The following TICRR variants were observed in gnomAD, a reference collection of about 807,000 sequenced individuals.
TICRR encodes TOPBP1 interacting checkpoint and replication regulator, also known as treslin.
A neutral mutation model predicts 178.1 loss-of-function variants in TICRR; 132 were observed. The ratio of observed to expected loss-of-function variants is 0.74; its 90% confidence interval spans 0.64 to 0.86. TICRR has a LOEUF of 0.86. Ranked by LOEUF, TICRR falls within the 40% of genes least tolerant of loss-of-function variation. The probability of loss-of-function intolerance (pLI) is 0.00; values close to 1 mark genes in which losing one functional copy is unlikely to be tolerated. For missense variants in TICRR, 2,587 were observed against 2,334.3 expected (o/e 1.11, Z -2.23); for synonymous variants, 991 against 900.7 (o/e 1.10, Z -1.79).
At chr15:89,623,499 T>G in intron 19 of TICRR, 124 bp from the exon 20 acceptor site, 2 of 1,045,592 alleles carry the variant, frequency 1.9e-6, no homozygotes, top group Non-Finnish European at 2.8e-6. Flanking sequence ...ATTTGAGATT[T>G]CCATCTTTAG....
rs1250114955 is a variant in TICRR at position 89,624,276 on chromosome 15, G to A, written c.3966G>A (p.Lys1322=). 9 of 1,614,070 alleles carry A rather than the reference G, an allele frequency of 5.6e-6. No homozygotes were observed. The highest frequency in any genetic ancestry group is 8.5e-7 in the Non-Finnish European group (1 of 1,180,056). ...CTCCTTTATGTGATGTCTCCAAGAAGAGTCCATTTAGGAAATCTAAAATAG... is the reference window on the plus strand; with the variant it reads ...CTCCTTTATGTGATGTCTCCAAGAAAAGTCCATTTAGGAAATCTAAAATAG... The part of the protein sequence containing the change: ...FTSPLCDVSK[K]SPFRKSKIEC... The change falls in exon 20 of 22, where the codon AAG becomes AAA. Residue 1322 remains lysine (K), a synonymous_variant. Transcript: ENST00000268138.
chr15:89,601,543 G>T lies in TICRR; in HGVS notation c.2302G>T (p.Glu768Ter), dbSNP rs757664725. 3 of 1,614,206 alleles carry T rather than the reference G, an allele frequency of 1.9e-6. No homozygotes were observed. Among genetic ancestry groups the T allele is most frequent in the Non-Finnish European group, 2.5e-6 (3 of 1,180,028 alleles). Residue 768 changes from glutamate to a stop codon, truncating the protein, a stop_gained, in exon 11 of 22, where the codon GAG becomes TAG. Transcript: ENST00000268138. LOFTEE classifies it high-confidence loss of function. ...CLTEDSAYLA[E>*]FLEEILRLYI... ...AACTGAGGATTCAGCGTACCTAGCAGAGTTTCTGGAGGAAATTTTGAGATT... is the reference window on the plus strand; with the variant it reads ...AACTGAGGATTCAGCGTACCTAGCATAGTTTCTGGAGGAAATTTTGAGATT...
At position 89,585,928 on chromosome 15, in the gene TICRR, A is replaced by G; in HGVS notation, c.1397A>G (p.Asp466Gly). 1 of 1,613,858 alleles carries G rather than the reference A, an allele frequency of 6.2e-7. No homozygotes were observed. Among genetic ancestry groups the G allele is most frequent in the Non-Finnish European group, 8.5e-7 (1 of 1,179,766 alleles). The change falls in exon 4 of 22, where the codon GAT becomes GGT. Residue 466 changes from aspartate to glycine, a missense_variant. By Grantham distance (94) the Asp-to-Gly change is moderately conservative (BLOSUM62 -1). Transcript: ENST00000268138. ...AATCAGACTCATGATTCGCTTGCAG[A>G]TACTGCTTCTGCTGGTAAGCTCCTA... is the stretch of plus-strand genomic sequence containing the variant. ...ILNQTHDSLADTASAASPVPE... is the reference protein window; with the variant it reads ...ILNQTHDSLAGTASAASPVPE...
intron 15 of TICRR, among the ~76,000 whole-genome samples, chr15:89,611,461 C>A (rs907174607): frequency 6.6e-6 from 1 of 152,088 alleles, no homozygotes; most frequent in South Asian, 2.1e-4. Context: ...GTGTGAATCT[C>A]TTAGAGTTTA....
In TICRR at chr15:89,575,543, G is replaced by C; in HGVS notation, c.-44G>C. ...CTGAAGGAAGGGACTAAGGGACGGTGGCGCGGGCCCGGACCGGGGCCCCGG... is the reference window on the plus strand; with the variant it reads ...CTGAAGGAAGGGACTAAGGGACGGTCGCGCGGGCCCGGACCGGGGCCCCGG... On this transcript the variant is annotated 5_prime_UTR_variant, in exon 1 of 22. Transcript: ENST00000268138. 1 of 1,442,850 alleles carries C rather than the reference G, an allele frequency of 6.9e-7. No individual in the cohort carries two copies. The highest frequency in any genetic ancestry group is 9.0e-7 in the Non-Finnish European group (1 of 1,105,430). 89.4% of individuals were successfully genotyped at this position (1,442,850 alleles called of 1,614,324 possible). A position where few individuals can be genotyped will look rare whatever the true frequency, so the allele number is the denominator to read the frequency against.
chr15:89,586,981 A>G (rs955364469), intron 4 of TICRR, among the ~76,000 whole-genome samples: 1 of 152,220 alleles, frequency 6.6e-6, no homozygotes, highest in Non-Finnish European at 1.5e-5. Flanking sequence ...CCATATTGAG[A>G]TTTGACTATA....
intron 4 of TICRR, among the ~76,000 whole-genome samples, chr15:89,587,264 G>A (rs1055643483): frequency 1.3e-5 from 2 of 152,144 alleles, no homozygotes; most frequent in African/African-American, 4.8e-5. Flanking sequence ...GAGGACTGGA[G>A]GGTTTGTTTT....
rs1230055835 is a variant in TICRR, at chr15:89,616,460, C to T, written c.2925C>T (p.Ile975=). The T allele has an allele frequency of 6.2e-7, 1 of 1,614,062 alleles. No homozygotes were observed. Among genetic ancestry groups the T allele is most frequent in the Non-Finnish European group, 8.5e-7 (1 of 1,179,928 alleles). The change falls in exon 16 of 22, where the codon ATC becomes ATT. Residue 975 remains isoleucine, a synonymous_variant. Transcript: ENST00000268138. ...SVAETPVHKQ[I]SKRLLHRQIK... Reference sequence around the variant, plus strand: ...CCGAGACTCCAGTGCATAAGCAGATCTCCAAAAGGCTGCTGCACAGACAAA... The same window carrying T: ...CCGAGACTCCAGTGCATAAGCAGATTTCCAAAAGGCTGCTGCACAGACAAA...
At position 89,607,890 on chromosome 15, in the gene TICRR, A is replaced by AGAT. The variant is rs562185727; in HGVS notation, c.2723-907_2723-905dup. Among the ~76,000 whole-genome samples the AGAT allele has an allele frequency of 5.3e-3, 801 of 152,272 alleles. 9 individuals are homozygous for AGAT. The highest frequency in any genetic ancestry group is 0.018 in the African/African-American group (766 of 41,570). ...GCTATTTTTTTCTAACTTTGAGTCT[A>AGAT]GATGATGAGAACTTTCATGCTTTGG... On this transcript the variant is annotated intron_variant, in intron 14 of 21. Transcript: ENST00000268138.
intron 3 of TICRR, among the ~76,000 whole-genome samples, chr15:89,585,089 T>G (rs1470950410): frequency 6.6e-6 from 1 of 152,348 alleles, no homozygotes; most frequent in East Asian, 1.9e-4. Context: ...TACTTTGTCT[T>G]TTGCCTTCAT....
rs1399081794 is a variant in TICRR, at chr15:89,595,505, C to T, written c.1794C>T (p.Gly598=). ...AGGCCCAGAAGTTACATCCAGATGGCAGTCCGGATGTGGCTGGGGAGAAAG... is the reference window on the plus strand; with the variant it reads ...AGGCCCAGAAGTTACATCCAGATGGTAGTCCGGATGTGGCTGGGGAGAAAG... ...NVKAQKLHPD[G]SPDVAGEKGI... is the part of the protein sequence containing the mutation. Residue 598 remains glycine (G), a synonymous_variant, in exon 7 of 22, where the codon GGC becomes GGT. Coordinates refer to ENST00000268138, the MANE Select transcript of TICRR (RefSeq NM_152259.4). 1.2e-6 allele frequency: 2 copies of T among 1,614,112 alleles called. No homozygotes were observed. Among genetic ancestry groups the T allele is most frequent in the Admixed American group, 3.3e-5 (2 of 60,016 alleles).
chr15:89,586,972 C>T (rs1223110649), intron 4 of TICRR, among the ~76,000 whole-genome samples: 1 of 152,140 alleles, frequency 6.6e-6, no homozygotes, highest in Non-Finnish European at 1.5e-5. Context: ...CTCTGGCTTC[C>T]ATATTGAGAT....
Position 89,582,680 on chromosome 15 carries a change from T to C in TICRR, c.655-6T>C, listed in dbSNP as rs2141952575. The C allele has an allele frequency of 2.5e-6, 4 of 1,610,702 alleles. No individual in the cohort carries two copies. The East Asian group carries it at 8.9e-5, about 36-fold the overall frequency. ...TAACCTAAGGTTGTTTGTCGTTTTATTTTAGTTGTGGGAATCCCCAGACCA... is the reference window on the plus strand; with the variant it reads ...TAACCTAAGGTTGTTTGTCGTTTTACTTTAGTTGTGGGAATCCCCAGACCA... On this transcript the variant is annotated splice_region_variant and splice_polypyrimidine_tract_variant and intron_variant, in intron 1 of 21. Transcript: ENST00000268138.
At chr15:89,606,246 A>G (rs1014039818) in intron 13 of TICRR, among the ~76,000 whole-genome samples, 2 of 152,234 alleles carry the variant, frequency 1.3e-5, no homozygotes, top group African/African-American at 4.8e-5. Context: ...ACAGATCTCT[A>G]TGTTAGTACA....
At chr15:89,576,302 T>A in intron 1 of TICRR, 62 bp downstream of exon 1, 5 of 1,446,280 alleles carry the variant, frequency 3.5e-6, no homozygotes, top group Non-Finnish European at 4.6e-6. Context: ...AACCAGAACT[T>A]GGCAGCGTCC....
chr15:89,595,674 C>A, intron 7 of TICRR, 63 bp downstream of exon 7: 1 of 1,251,304 alleles, frequency 8.0e-7, no homozygotes, highest in Non-Finnish European at 1.1e-6. Flanking sequence ...AAAATTTAAT[C>A]GTACCCTTAG....
intron 15 of TICRR, among the ~76,000 whole-genome samples, chr15:89,615,142 A>G (rs1011260755): frequency 6.6e-6 from 1 of 152,112 alleles, no homozygotes; most frequent in Non-Finnish European, 1.5e-5. Context: ...TGTTACCACC[A>G]CCTCAGGCAG....
In TICRR at chr15:89,598,782, G is replaced by A. The variant is rs533951130; in HGVS notation, c.1901-542G>A. On this transcript the variant is annotated intron_variant, in intron 7 of 21. Coordinates refer to ENST00000268138, the MANE Select transcript of TICRR (RefSeq NM_152259.4). ...GCACTTTGGGAGGCCAGGGCGGATA[G>A]ATGGCTTGAGTTCAGGAGTTCAAGA... Among the ~76,000 whole-genome samples, 169 of 152,178 alleles carry A rather than the reference G, an allele frequency of 1.1e-3. 1 individual carries two copies. Among genetic ancestry groups the A allele is most frequent in the African/African-American group, 4.0e-3 (166 of 41,558 alleles).
At chr15:89,612,149 G>C (rs1037435060) in intron 15 of TICRR, among the ~76,000 whole-genome samples, 1 of 152,044 alleles carries the variant, frequency 6.6e-6, no homozygotes, top group African/African-American at 2.4e-5. Flanking sequence ...TGCTTATTAA[G>C]GATCTCAGCT....
Sources: allele counts gnomAD v4.1 joint callset (sites outside exome capture counted in the v4.1 genomes callset), GRCh38; gene constraint gnomAD v4.1.1; transcripts MANE v1.5; gene names NCBI Gene and HGNC (gene_info 2026-07-23, HGNC 2026-07-21).